STXBP6: variants seen among roughly 807,000 people sequenced by gnomAD.
STXBP6 encodes syntaxin-binding protein 6.
STXBP6 carries 21 observed loss-of-function variants against 26.9 expected under a neutral mutation model. The ratio of observed to expected loss-of-function variants is 0.78; its 90% CI spans 0.55 to 1.12. The LOEUF is 1.12. Ranked by LOEUF, STXBP6 falls within the 50% of genes most tolerant of loss-of-function variation. The probability of loss-of-function intolerance (pLI) is 0.00; values close to 1 mark genes in which losing one functional copy is unlikely to be tolerated. For synonymous variants in STXBP6, 97 were observed against 92.6 expected (o/e 1.05, Z -0.27); for missense variants, 232 against 257.9 (o/e 0.90, Z 0.69).
rs879426364 is a variant in STXBP6 at position 24,977,385 on chromosome 14, A to AT, written c.-32-2536dup. Reference sequence around the variant, plus strand: ...TGGTGAGAAATAGAAATGACCTTTTATTTTTTTTTTAAATACTGATAGTCA... The same window carrying AT: ...TGGTGAGAAATAGAAATGACCTTTTATTTTTTTTTTTAAATACTGATAGTCA... On this transcript the variant is annotated intron_variant, in intron 1 of 5. Transcript: ENST00000323944. Among the ~76,000 whole-genome samples, 31 of 150,328 alleles carry AT rather than the reference A, an allele frequency of 2.1e-4. No individual in the cohort carries two copies. The East Asian group carries it at 3.1e-3, about 15-fold the overall frequency.
Position 25,035,074 on chromosome 14 carries a change from C to G in STXBP6, c.-33+14804G>C, listed in dbSNP as rs572762515. 6.0e-3 allele frequency among the ~76,000 whole-genome samples: 903 copies of G among 151,720 alleles called. 12 individuals carry two copies. The highest frequency in any genetic ancestry group is 0.021 in the African/African-American group (864 of 41,286). ...GGTGAGGCAGGAGAATCACTTGAACCCAGGAGGCGGATGTTGCAGTGAGCC... is the reference window on the plus strand; with the variant it reads ...GGTGAGGCAGGAGAATCACTTGAACGCAGGAGGCGGATGTTGCAGTGAGCC... On this transcript the variant is annotated intron_variant, in intron 1 of 5. Transcript: ENST00000323944.
At chr14:24,901,023 T>C (rs372631231) in intron 2 of STXBP6, among the ~76,000 whole-genome samples, 5 of 152,120 alleles carry the variant, frequency 3.3e-5, no homozygotes, top group East Asian at 3.9e-4. Flanking sequence ...AGTCATGAAA[T>C]TTACAACTTA....
At chr14:25,032,567 C>T (rs79154986) in intron 1 of STXBP6, among the ~76,000 whole-genome samples, 7,341 of 152,244 alleles carry the variant, frequency 0.048, 255 homozygotes, top group Non-Finnish European at 0.072. Context: ...TCAACCCGTC[C>T]GGGGAAGCCT....
At chr14:24,965,313 A>G (rs927622958) in intron 2 of STXBP6, among the ~76,000 whole-genome samples, 4 of 124,716 alleles carry the variant, frequency 3.2e-5, no homozygotes, top group Non-Finnish European at 5.2e-5. Flanking sequence ...TGCCTGTCAT[A>G]CATACATATT....
At chr14:24,853,560 C>T (rs2069228292) in intron 4 of STXBP6, among the ~76,000 whole-genome samples, 1 of 151,548 alleles carries the variant, frequency 6.6e-6, no homozygotes, top group South Asian at 2.1e-4. Flanking sequence ...GAATTACAGA[C>T]TTTCAAAGTG....
chr14:24,850,569 T>C (rs930400894), intron 4 of STXBP6, among the ~76,000 whole-genome samples: 4 of 152,162 alleles, frequency 2.6e-5, no homozygotes, highest in Admixed American at 2.6e-4. Flanking sequence ...AAGAGAGAGC[T>C]AATTTCATCT....
chr14:24,877,221 T>C (rs1395127581), intron 2 of STXBP6, among the ~76,000 whole-genome samples: 1 of 152,242 alleles, frequency 6.6e-6, no homozygotes, highest in African/African-American at 2.4e-5. Flanking sequence ...AATGGCTCTT[T>C]TATGATGGTC....
chr14:25,049,680 G>A lies in STXBP6; in HGVS notation c.-33+198C>T, dbSNP rs1003898410. On this transcript the variant is annotated intron_variant, in intron 1 of 5. Transcript: ENST00000323944. The surrounding 1 kb of genome is among the most constrained non-coding windows in gnomAD (Gnocchi z 5.6). ...CCCTCTCTGCGCGCACAAAGCAGCT[G>A]CGCCGGGGCGCGCGGCCCCCTCTCC... 1.0e-6 allele frequency: 1 copy of A among 985,780 alleles called. No homozygotes were observed. Among genetic ancestry groups the A allele is most frequent in the African/African-American group, 1.7e-5 (1 of 57,262 alleles). The allele number at this position is 985,780 out of a possible 1,614,324, so 61.1% of individuals were successfully genotyped here.
At chr14:24,985,857 G>A (rs2074317726) in intron 1 of STXBP6, among the ~76,000 whole-genome samples, 2 of 152,108 alleles carry the variant, frequency 1.3e-5, no homozygotes, top group African/African-American at 4.8e-5. Flanking sequence ...TCCTAGTGAT[G>A]GTCTATCTCA....
At chr14:24,866,524 A>T (rs2069728318) in intron 2 of STXBP6, among the ~76,000 whole-genome samples, 1 of 152,090 alleles carries the variant, frequency 6.6e-6, no homozygotes, top group Non-Finnish European at 1.5e-5. Flanking sequence ...TAAGGCAACA[A>T]AGACAATTCC....
chr14:24,895,887 G>A (rs1014269870), intron 2 of STXBP6, among the ~76,000 whole-genome samples: 9 of 152,184 alleles, frequency 5.9e-5, no homozygotes, highest in Admixed American at 5.9e-4. Context: ...GTCTTGAGGA[G>A]TAAACGAGAT....
chr14:24,861,977 A>T (rs1339754925), intron 2 of STXBP6, among the ~76,000 whole-genome samples: 1 of 152,058 alleles, frequency 6.6e-6, no homozygotes. Context: ...CTGACATGGG[A>T]TACTTAAATC....
chr14:24,829,684 ATT>A (rs71121804), intron 4 of STXBP6, among the ~76,000 whole-genome samples: 146 of 144,328 alleles, frequency 1.0e-3, no homozygotes, highest in East Asian at 1.4e-3. Context: ...TCATTGAACT[ATT>A]TTTTTTTTTT....
At chr14:24,884,177 C>T (rs1221014558) in intron 2 of STXBP6, among the ~76,000 whole-genome samples, 1 of 152,188 alleles carries the variant, frequency 6.6e-6, no homozygotes, top group African/African-American at 2.4e-5. Flanking sequence ...CAGCCACCTA[C>T]ATTCTGTGGA....
At chr14:24,950,991 T>C (rs1375346464) in intron 2 of STXBP6, among the ~76,000 whole-genome samples, 2 of 152,084 alleles carry the variant, frequency 1.3e-5, no homozygotes, top group Non-Finnish European at 2.9e-5. Flanking sequence ...GCATGCGGTT[T>C]TGGTTTTCTG....
At chr14:25,034,554 C>G (rs923342941) in intron 1 of STXBP6, among the ~76,000 whole-genome samples, 3 of 152,130 alleles carry the variant, frequency 2.0e-5, no homozygotes, top group African/African-American at 7.2e-5. Flanking sequence ...CACGCACTGC[C>G]TCAGTACAGC....
intron 2 of STXBP6, among the ~76,000 whole-genome samples, chr14:24,882,443 G>GGT (rs2070408536): frequency 7.2e-6 from 1 of 138,720 alleles, no homozygotes; most frequent in Non-Finnish European, 1.5e-5. Context: ...TAAGGGACTT[G>GGT]GTCCCAACTT....
chr14:24,949,622 T>C (rs2140046628), intron 2 of STXBP6, among the ~76,000 whole-genome samples: 1 of 152,366 alleles, frequency 6.6e-6, no homozygotes, highest in Non-Finnish European at 1.5e-5. Context: ...GAAAATTGCC[T>C]TTAATCTGGC....
intron 1 of STXBP6, among the ~76,000 whole-genome samples, chr14:25,048,758 C>G (rs2075762209): frequency 6.6e-6 from 1 of 152,204 alleles, no homozygotes; most frequent in African/African-American, 2.4e-5. Context: ...CAGGGTGGCT[C>G]TGACTAGGGC....
Sources: gnomAD v4.1 joint callset for allele counts (sites outside exome capture counted in the v4.1 genomes callset) on GRCh38, gnomAD v4.1.1 for gene constraint, Gnocchi (gnomAD v3.1) non-coding constraint, MANE v1.5 for transcripts, NCBI Gene and HGNC (gene_info 2026-07-23, HGNC 2026-07-21) for gene names.